NEK6: variants seen among roughly 807,000 people sequenced by gnomAD.
The protein encoded by NEK6 is NIMA related kinase 6, also known as serine/threonine-protein kinase Nek6.
In NEK6, 27 loss-of-function variants were observed where a neutral mutation model predicts 43.5. The observed-to-expected ratio is 0.62, with a 90% CI of 0.46 to 0.86. NEK6 has a LOEUF of 0.86. NEK6 is among the 40% of genes least tolerant of loss of function. The pLI is 0.00. For synonymous variants in NEK6, 167 were observed against 164.1 expected, an observed-to-expected ratio of 1.02 and a Z score of -0.14; for missense variants, 318 against 414.4, an observed-to-expected ratio of 0.77 and a Z score of 2.02.
At position 124,321,530 on chromosome 9, in the gene NEK6, G is replaced by A. The variant is rs752241757; in HGVS notation, c.366G>A (p.Leu122=). The A allele has an allele frequency of 5.0e-6, 8 of 1,613,930 alleles. No homozygotes were observed. The South Asian group carries it at 8.8e-5, about 18-fold the overall frequency. ...FIEDNELNIV[L]ELADAGDLSQ... ...AAGACAACGAGCTGAACATTGTGCT[G>A]GAGTTGGCTGACGCAGGGGACCTCT... is the stretch of plus-strand genomic sequence containing the variant. Residue 122 remains leucine, a synonymous_variant, in exon 5 of 10, where the codon CTG becomes CTA. Coordinates refer to ENST00000320246, the MANE Select transcript of NEK6 (RefSeq NM_014397.6).
intron 1 of NEK6, among the ~76,000 whole-genome samples, chr9:124,295,783 T>A (rs550694809): frequency 6.6e-6 from 1 of 152,298 alleles, no homozygotes; most frequent in East Asian, 1.9e-4. Flanking sequence ...GGCGTGGCAT[T>A]CCTTACAGCC....
intron 2 of NEK6, among the ~76,000 whole-genome samples, chr9:124,304,192 C>A (rs1226490121): frequency 6.6e-6 from 1 of 152,260 alleles, no homozygotes; most frequent in Non-Finnish European, 1.5e-5. Flanking sequence ...GGGGGACTTT[C>A]TCCTCGGCTC....
At chr9:124,273,869 G>A (rs1473448454) in intron 1 of NEK6, among the ~76,000 whole-genome samples, 6 of 152,180 alleles carry the variant, frequency 3.9e-5, no homozygotes, top group Admixed American at 1.3e-4. Context: ...AGGTTTTAGC[G>A]AGTGCGGCGG....
At chr9:124,281,316 C>T (rs1434043012) in intron 1 of NEK6, among the ~76,000 whole-genome samples, 6 of 152,084 alleles carry the variant, frequency 3.9e-5, no homozygotes, top group Non-Finnish European at 7.4e-5. Flanking sequence ...CCATGCTTCT[C>T]CTCAGCCACG....
At chr9:124,266,668 G>T (rs1413770197) in intron 1 of NEK6, among the ~76,000 whole-genome samples, 1 of 152,248 alleles carries the variant, frequency 6.6e-6, no homozygotes, top group Non-Finnish European at 1.5e-5. Flanking sequence ...CCACAACAGT[G>T]TTCTCCATGG....
chr9:124,283,308 T>C (rs1391655691), intron 1 of NEK6, among the ~76,000 whole-genome samples: 1 of 152,194 alleles, frequency 6.6e-6, no homozygotes, highest in Non-Finnish European at 1.5e-5. Context: ...TTCATGCCAC[T>C]CCTGCGACGG....
At chr9:124,311,167 G>A (rs1833507876) in intron 2 of NEK6, among the ~76,000 whole-genome samples, 2 of 152,248 alleles carry the variant, frequency 1.3e-5, no homozygotes, top group African/African-American at 2.4e-5. Flanking sequence ...GGCCAGTCCT[G>A]TAGTTCTCGG....
intron 2 of NEK6, among the ~76,000 whole-genome samples, chr9:124,302,920 T>C (rs1336793506): frequency 6.6e-6 from 1 of 152,266 alleles, no homozygotes; most frequent in East Asian, 1.9e-4. Flanking sequence ...GCGTGCTCGC[T>C]GAGTTAAGGA....
chr9:124,285,528 G>A (rs1832116077), intron 1 of NEK6, among the ~76,000 whole-genome samples: 1 of 152,126 alleles, frequency 6.6e-6, no homozygotes, highest in Non-Finnish European at 1.5e-5. Context: ...AGTCTCCCAG[G>A]CTATAGTTTC....
intron 1 of NEK6, among the ~76,000 whole-genome samples, chr9:124,266,418 G>A (rs958377318): frequency 6.6e-6 from 1 of 152,166 alleles, no homozygotes; most frequent in African/African-American, 2.4e-5. Flanking sequence ...CAGCATGGGG[G>A]TCTGAGCTGA....
intron 8 of NEK6, 55 bp from the exon 9 acceptor site, chr9:124,347,651 CTAG>C (rs1830009935): frequency 8.7e-7 from 1 of 1,152,212 alleles, no homozygotes; most frequent in Non-Finnish European, 1.3e-6. Context: ...CTCCTCCTCT[CTAG>C]TCCTTCTGAG....
chr9:124,275,755 G>A lies in NEK6; in HGVS notation c.-30+17670G>A, dbSNP rs547737521. The stretch of plus-strand genomic sequence containing the variant: ...AGTGCTCAGCCCAGGGCCTGGCCTG[G>A]CAAAGGCCTCGGTGACGGTAATGAG... On this transcript the variant is annotated intron_variant, in intron 1 of 9. Coordinates refer to ENST00000320246, the MANE Select transcript of NEK6 (RefSeq NM_014397.6). This position sits in a 1 kb window ranked among gnomAD's most constrained non-coding sequence, Gnocchi z 4.4. Among the ~76,000 whole-genome samples the A allele has an allele frequency of 2.6e-5, 4 of 152,354 alleles. No individual in the cohort carries two copies. In the East Asian group the frequency reaches 5.8e-4, roughly 22 times the overall value.
chr9:124,271,110 T>A (rs755889889), intron 1 of NEK6, among the ~76,000 whole-genome samples: 9 of 152,256 alleles, frequency 5.9e-5, no homozygotes, highest in Non-Finnish European at 1.2e-4. Context: ...CCAGGGGCTC[T>A]CCCTCTTCAT....
intron 2 of NEK6, among the ~76,000 whole-genome samples, chr9:124,307,829 G>A (rs1005606769): frequency 2.6e-5 from 4 of 152,144 alleles, no homozygotes; most frequent in East Asian, 1.9e-4. Flanking sequence ...CAGCCCCACC[G>A]CCTCACTGCA....
intron 9 of NEK6, among the ~76,000 whole-genome samples, chr9:124,349,777 GA>G (rs1169668466): frequency 6.6e-6 from 1 of 152,174 alleles, no homozygotes; most frequent in African/African-American, 2.4e-5. Flanking sequence ...GTAAGGTTCA[GA>G]AAACAGCTGT....
At chr9:124,288,864 T>A (rs1205692411) in intron 1 of NEK6, among the ~76,000 whole-genome samples, 1 of 152,186 alleles carries the variant, frequency 6.6e-6, no homozygotes, top group Non-Finnish European at 1.5e-5. Flanking sequence ...GGCCTGCTCT[T>A]CTCAGATCCA....
At chr9:124,304,662 G>A (rs572671578) in intron 2 of NEK6, among the ~76,000 whole-genome samples, 5 of 152,174 alleles carry the variant, frequency 3.3e-5, no homozygotes, top group Non-Finnish European at 7.3e-5. Context: ...AATACCCCCA[G>A]TGTAGAAAGA....
intron 1 of NEK6, among the ~76,000 whole-genome samples, chr9:124,280,690 G>A (rs1831864891): frequency 6.6e-6 from 1 of 152,230 alleles, no homozygotes; most frequent in African/African-American, 2.4e-5. Context: ...TCGCTCTGTG[G>A]CTAGGCACGG....
chr9:124,331,054 G>T (rs1828958943), intron 7 of NEK6, among the ~76,000 whole-genome samples: 1 of 152,118 alleles, frequency 6.6e-6, no homozygotes, highest in African/African-American at 2.4e-5. Context: ...CTTGAGGTCA[G>T]GAGTTTGAGA....
Sources: gnomAD v4.1 joint callset for allele counts (sites outside exome capture counted in the v4.1 genomes callset) on GRCh38, gnomAD v4.1.1 for gene constraint, Gnocchi (gnomAD v3.1) non-coding constraint, MANE v1.5 for transcripts, NCBI Gene and HGNC (gene_info 2026-07-23, HGNC 2026-07-21) for gene names.